Variants in ERBB4 observed in about 807,000 individuals in gnomAD.
ERBB4 encodes the protein receptor tyrosine-protein kinase erbB-4.
ERBB4 carries 42 observed loss-of-function variants against 158.0 expected under a neutral mutation model. The ratio of observed to expected loss-of-function variants is 0.27; its 90% CI spans 0.21 to 0.34. The LOEUF is 0.34. Ranked by LOEUF, ERBB4 falls within the 10% of genes least tolerant of loss-of-function variation. The pLI, the probability that ERBB4 is intolerant of heterozygous loss-of-function variation, is 1.00. For missense variants in ERBB4, 1,333 were observed against 1,624.1 expected (o/e 0.82, Z 3.08); for synonymous variants, 583 against 558.7 (o/e 1.04, Z -0.61).
chr2:212,157,016 T>C (rs1437698190), intron 1 of ERBB4, among the ~76,000 whole-genome samples: 1 of 152,134 alleles, frequency 6.6e-6, no homozygotes, highest in Admixed American at 6.6e-5. Context: ...CAAAATAATT[T>C]ATTAAATGCA....
intron 5 of ERBB4, among the ~76,000 whole-genome samples, chr2:211,731,193 T>G (rs2074416027): frequency 6.6e-6 from 1 of 152,148 alleles, no homozygotes; most frequent in Admixed American, 6.5e-5. Flanking sequence ...GAGTGAAAAG[T>G]ATCTTGGGGC....
At chr2:211,642,657 T>TA (rs1194101429) in intron 16 of ERBB4, among the ~76,000 whole-genome samples, 1 of 152,132 alleles carries the variant, frequency 6.6e-6, no homozygotes, top group African/African-American at 2.4e-5. Context: ...AACACTTTCA[T>TA]ATGTTTTAGA....
intron 5 of ERBB4, among the ~76,000 whole-genome samples, chr2:211,728,353 T>A (rs964439591): frequency 6.6e-6 from 1 of 151,920 alleles, no homozygotes; most frequent in African/African-American, 2.4e-5. Flanking sequence ...TATATATATA[T>A]ATGATATGTA....
intron 1 of ERBB4, among the ~76,000 whole-genome samples, chr2:212,279,689 G>T (rs897156194): frequency 2.0e-5 from 3 of 151,450 alleles, no homozygotes; most frequent in African/African-American, 7.3e-5. Context: ...CAAAAAATAT[G>T]CCAATATGAG....
rs529492081 is a variant in ERBB4 at position 211,936,433 on chromosome 2, T to C, written c.421+10997A>G. On this transcript the variant is annotated intron_variant, in intron 3 of 27. Transcript: ENST00000342788. ...AAAGTTATGGATCACCATTTTTCAC[T>C]TTTTTCTTATAAATATTCTTCAAAA... Among the ~76,000 whole-genome samples the C allele has an allele frequency of 2.6e-5, 4 of 152,200 alleles. No individual in the cohort carries two copies. The East Asian group carries it at 5.8e-4, about 22-fold the overall frequency.
chr2:212,215,682 C>G (rs1174278242), intron 1 of ERBB4, among the ~76,000 whole-genome samples: 1 of 151,166 alleles, frequency 6.6e-6, no homozygotes, highest in East Asian at 1.9e-4. Flanking sequence ...AAGTCACTAA[C>G]AAGGACAATA....
chr2:211,777,345 G>A (rs188947956), intron 4 of ERBB4: 15 of 152,204 alleles, frequency 9.9e-5, no homozygotes, highest in Admixed American at 9.8e-4. Flanking sequence ...AAACACAACT[G>A]CGTAAAATCC....
At chr2:211,628,348 G>A (rs1483825307) in intron 17 of ERBB4, among the ~76,000 whole-genome samples, 1 of 152,122 alleles carries the variant, frequency 6.6e-6, no homozygotes, top group African/African-American at 2.4e-5. Flanking sequence ...GCCCCGGTGT[G>A]TGATGTTCCC....
chr2:211,512,189 G>A (rs1042053540), intron 20 of ERBB4, among the ~76,000 whole-genome samples: 3 of 152,052 alleles, frequency 2.0e-5, no homozygotes, highest in South Asian at 4.1e-4. Context: ...ACGAAAGTGC[G>A]CTCATTTATC....
intron 3 of ERBB4, among the ~76,000 whole-genome samples, chr2:211,936,599 T>C (rs2080329779): frequency 6.6e-6 from 1 of 152,074 alleles, no homozygotes; most frequent in Non-Finnish European, 1.5e-5. Flanking sequence ...AGAGCTAGAA[T>C]AACTTGCACT....
At chr2:211,494,713 T>A (rs2065427676) in intron 20 of ERBB4, among the ~76,000 whole-genome samples, 1 of 152,144 alleles carries the variant, frequency 6.6e-6, no homozygotes, top group South Asian at 2.1e-4. Flanking sequence ...GAGTTTTCAA[T>A]CACTTGTTAG....
intron 2 of ERBB4, among the ~76,000 whole-genome samples, chr2:212,110,296 C>T (rs749097068): frequency 1.2e-4 from 19 of 152,184 alleles, no homozygotes; most frequent in Non-Finnish European, 2.1e-4. Context: ...TTCCTCTCAG[C>T]TTATCCAAAT....
intron 3 of ERBB4, among the ~76,000 whole-genome samples, chr2:211,937,588 G>C (rs1202232473): frequency 6.6e-6 from 1 of 152,132 alleles, no homozygotes; most frequent in Non-Finnish European, 1.5e-5. Flanking sequence ...GAGGCCTCAT[G>C]AAACTCACAA....
At position 211,702,094 on chromosome 2, in the gene ERBB4, G is replaced by A. The variant is rs770782797; in HGVS notation, c.1362C>T (p.Ser454=). ...SLQFQSLKEI[S]AGNIYITDNS... ...TGTCAGTAATATAGATGTTTCCTGC[G>A]CTGATTTCCTTCAGGGACTGGAACT... is the stretch of plus-strand genomic sequence containing the variant. The change falls in exon 12 of 28, where the codon AGC becomes AGT. Residue 454 remains serine, a synonymous_variant. Transcript: ENST00000342788. 46 of 1,613,780 alleles carry A rather than the reference G, an allele frequency of 2.9e-5. No individual in the cohort carries two copies. The highest frequency in any genetic ancestry group is 6.7e-5 in the African/African-American group (5 of 74,878).
intron 1 of ERBB4, among the ~76,000 whole-genome samples, chr2:212,163,468 T>C (rs1209978673): frequency 6.6e-6 from 1 of 152,076 alleles, no homozygotes; most frequent in Admixed American, 6.6e-5. Context: ...ACTAAACTCT[T>C]GATCTAACAC....
intron 19 of ERBB4, among the ~76,000 whole-genome samples, chr2:211,571,135 C>T (rs1447113321): frequency 2.0e-5 from 3 of 150,586 alleles, no homozygotes; most frequent in African/African-American, 7.4e-5. Context: ...CTCCGCCTCC[C>T]GTGTTCAAGC....
At chr2:211,467,198 A>G (rs1423403743) in intron 20 of ERBB4, among the ~76,000 whole-genome samples, 2 of 152,100 alleles carry the variant, frequency 1.3e-5, no homozygotes, top group African/African-American at 4.8e-5. Flanking sequence ...AAGTGCCAAC[A>G]ATTCTGGGAA....
intron 19 of ERBB4, among the ~76,000 whole-genome samples, chr2:211,609,979 G>GA (rs113444548): frequency 0.065 from 9,951 of 152,070 alleles, 751 homozygotes; most frequent in African/African-American, 0.19. Context: ...TTATTTTGAG[G>GA]AAACGATCAT....
rs1456391328 is a variant in ERBB4 at position 212,127,967 on chromosome 2, T to C, written c.83-3064A>G. On this transcript the variant is annotated intron_variant, in intron 1 of 27. Coordinates refer to ENST00000342788, the MANE Select transcript of ERBB4 (RefSeq NM_005235.3). ...GGACAGTGAGAGAATAAATCGCTAT[T>C]GTTTTAAGCCACCCACTCTGTGGTA... is the stretch of plus-strand genomic sequence containing the variant. Among the ~76,000 whole-genome samples, 3 of 152,200 alleles carry C rather than the reference T, an allele frequency of 2.0e-5. 1 individual carries two copies. Among genetic ancestry groups the C allele is most frequent in the Admixed American group, 2.0e-4 (3 of 15,280 alleles).
Sources: gnomAD v4.1 joint callset for allele counts (sites outside exome capture counted in the v4.1 genomes callset) on GRCh38, gnomAD v4.1.1 for gene constraint, MANE v1.5 for transcripts, NCBI Gene and HGNC (gene_info 2026-07-23, HGNC 2026-07-21) for gene names.